The following TAFA1 variants were observed in gnomAD, a reference collection of about 807,000 sequenced individuals.
TAFA1 encodes TAFA chemokine like family member 1, also known as chemokine-like protein TAFA-1.
Under a neutral mutation model 18.5 loss-of-function variants are expected in TAFA1, and 4 were observed. That is an observed-to-expected ratio of 0.22 (90% confidence interval 0.11 to 0.49). The LOEUF (loss-of-function observed/expected upper bound fraction) is 0.49, where lower values mean the gene tolerates loss of function less well. Among genes scored for constraint, TAFA1 ranks in the 20% least tolerant of loss-of-function variants. The pLI is 0.98. For missense variants in TAFA1, 147 were observed against 169.0 expected (o/e 0.87, Z 0.72); for synonymous variants, 56 against 55.2 (o/e 1.01, Z -0.06).
At chr3:68,529,985 G>T (rs917341921) in intron 3 of TAFA1, among the ~76,000 whole-genome samples, 1 of 152,126 alleles carries the variant, frequency 6.6e-6, no homozygotes, top group Non-Finnish European at 1.5e-5. Context: ...TTTACTAGGG[G>T]AAGAGCACTT....
At chr3:68,506,345 C>T (rs1027535471) in intron 3 of TAFA1, among the ~76,000 whole-genome samples, 2 of 152,032 alleles carry the variant, frequency 1.3e-5, no homozygotes, top group African/African-American at 4.8e-5. Flanking sequence ...GTGGCATTCC[C>T]ATCACCAGTG....
chr3:68,156,119 C>G (rs1260677338), intron 2 of TAFA1, among the ~76,000 whole-genome samples: 2 of 152,150 alleles, frequency 1.3e-5, no homozygotes, highest in Non-Finnish European at 2.9e-5. Context: ...GCAGAATATA[C>G]TAGCCCGGAA....
intron 2 of TAFA1, among the ~76,000 whole-genome samples, chr3:68,393,618 T>A (rs1213083557): frequency 8.6e-5 from 13 of 152,006 alleles, no homozygotes. Flanking sequence ...TCCTCTATAA[T>A]ATACTGACAG....
chr3:68,195,522 A>G (rs1392401098), intron 2 of TAFA1, among the ~76,000 whole-genome samples: 2 of 151,332 alleles, frequency 1.3e-5, no homozygotes, highest in Admixed American at 6.6e-5. Flanking sequence ...CCGAAAGGAC[A>G]TTTGGCAAAG....
At chr3:68,008,856 GT>G (rs1704416132) in intron 2 of TAFA1, among the ~76,000 whole-genome samples, 1 of 152,118 alleles carries the variant, frequency 6.6e-6, no homozygotes, top group African/African-American at 2.4e-5. Context: ...GTCACTTAAG[GT>G]TAGTGACATA....
chr3:68,126,317 G>A (rs1419024560), intron 2 of TAFA1, among the ~76,000 whole-genome samples: 1 of 152,168 alleles, frequency 6.6e-6, no homozygotes, highest in African/African-American at 2.4e-5. Flanking sequence ...TAATAAACAT[G>A]CTTCCTGGAA....
intron 2 of TAFA1, among the ~76,000 whole-genome samples, chr3:68,258,510 A>G (rs186429123): frequency 3.9e-4 from 59 of 152,278 alleles, no homozygotes; most frequent in Admixed American, 8.5e-4. Flanking sequence ...TTCTTTTCTC[A>G]GAAGAATAAG....
intron 2 of TAFA1, among the ~76,000 whole-genome samples, chr3:68,398,578 C>G (rs1286522912): frequency 6.6e-6 from 1 of 152,104 alleles, no homozygotes; most frequent in Non-Finnish European, 1.5e-5. Context: ...CTGGGCCTCC[C>G]CAATTGCTTC....
At chr3:68,125,682 C>T (rs2065455674) in intron 2 of TAFA1, among the ~76,000 whole-genome samples, 1 of 152,138 alleles carries the variant, frequency 6.6e-6, no homozygotes. Flanking sequence ...CTCTGGTGTC[C>T]CACATCACAT....
intron 3 of TAFA1, among the ~76,000 whole-genome samples, chr3:68,457,461 T>TA (rs903947609): frequency 6.6e-6 from 1 of 152,176 alleles, no homozygotes; most frequent in African/African-American, 2.4e-5. Context: ...GTCACATGTC[T>TA]AAAAAATTGT....
At chr3:68,173,851 T>G (rs1422623755) in intron 2 of TAFA1, among the ~76,000 whole-genome samples, 3 of 152,088 alleles carry the variant, frequency 2.0e-5, no homozygotes, top group African/African-American at 7.2e-5. Context: ...GAAACAGCAG[T>G]AGAACTGCCA....
At chr3:68,170,195 A>G (rs576846670) in intron 2 of TAFA1, among the ~76,000 whole-genome samples, 14 of 152,220 alleles carry the variant, frequency 9.2e-5, no homozygotes, top group African/African-American at 3.1e-4. Context: ...ACCAATAGAC[A>G]CACAACCGTG....
intron 2 of TAFA1, among the ~76,000 whole-genome samples, chr3:68,021,239 G>A (rs1704683914): frequency 2.0e-5 from 3 of 146,628 alleles, no homozygotes; most frequent in African/African-American, 7.5e-5. Flanking sequence ...TGGTGTCTGT[G>A]TGGTGTCACT....
At chr3:68,419,049 G>A (rs933187336) in intron 3 of TAFA1, among the ~76,000 whole-genome samples, 3 of 152,094 alleles carry the variant, frequency 2.0e-5, no homozygotes, top group African/African-American at 4.8e-5. Flanking sequence ...GTTGGGAGGT[G>A]GTCTTGTTTC....
intron 2 of TAFA1, among the ~76,000 whole-genome samples, chr3:68,100,856 A>G (rs2065139597): frequency 6.6e-6 from 1 of 152,114 alleles, no homozygotes; most frequent in African/African-American, 2.4e-5. Context: ...CACAAGACAA[A>G]ACGTGATATA....
At chr3:68,533,496 A>G (rs926077592) in intron 3 of TAFA1, among the ~76,000 whole-genome samples, 1 of 152,194 alleles carries the variant, frequency 6.6e-6, no homozygotes, top group African/African-American at 2.4e-5. Context: ...CAGCCAAACC[A>G]TATCAGAGGC....
chr3:68,313,090 C>T (rs1216606102), intron 2 of TAFA1, among the ~76,000 whole-genome samples: 3 of 152,046 alleles, frequency 2.0e-5, no homozygotes, highest in African/African-American at 4.8e-5. Context: ...AGACTTGATC[C>T]CATGAATAAT....
chr3:68,213,156 C>T (rs1186598839), intron 2 of TAFA1, among the ~76,000 whole-genome samples: 2 of 151,648 alleles, frequency 1.3e-5, no homozygotes, highest in African/African-American at 4.8e-5. Flanking sequence ...ACTTTGTTGC[C>T]AGTAAAAAAG....
At chr3:68,114,832 A>G (rs1200530991) in intron 2 of TAFA1, among the ~76,000 whole-genome samples, 1 of 152,218 alleles carries the variant, frequency 6.6e-6, no homozygotes, top group Non-Finnish European at 1.5e-5. Flanking sequence ...ATGGATAGTG[A>G]TATACTCATA....
Sources: gnomAD v4.1 joint callset for allele counts (sites outside exome capture counted in the v4.1 genomes callset) on GRCh38, gnomAD v4.1.1 for gene constraint, MANE v1.5 for transcripts, NCBI Gene and HGNC (gene_info 2026-07-23, HGNC 2026-07-21) for gene names.